The following CFAP20DC variants were observed in gnomAD, a reference collection of about 807,000 sequenced individuals.
CFAP20DC encodes protein CFAP20DC.
A neutral mutation model predicts 101.7 loss-of-function variants in CFAP20DC; 84 were observed. That is an observed-to-expected ratio of 0.83 (90% CI 0.69 to 0.99). The LOEUF is 0.99. Among genes scored for constraint, CFAP20DC ranks in the 50% least tolerant of loss-of-function variants. The pLI, the probability that CFAP20DC is intolerant of heterozygous loss-of-function variation, is 0.00. For synonymous variants in CFAP20DC, 359 were observed against 351.2 expected (o/e 1.02, Z -0.25); for missense variants, 1,007 against 970.3 (o/e 1.04, Z -0.50).
chr3:58,922,681 C>T (rs1224095531), intron 5 of CFAP20DC, among the ~76,000 whole-genome samples: 2 of 152,128 alleles, frequency 1.3e-5, no homozygotes, highest in African/African-American at 2.4e-5. Context: ...GATGCCAGTG[C>T]CATACTTCTT....
At chr3:58,862,734 A>C (rs1296218401) in intron 12 of CFAP20DC, 1 of 964,956 alleles carries the variant, frequency 1.0e-6, no homozygotes, top group Non-Finnish European at 1.2e-6. Flanking sequence ...TATAATTTCT[A>C]TATAGAAAAG....
intron 1 of CFAP20DC, among the ~76,000 whole-genome samples, chr3:59,049,048 C>G (rs910048213): frequency 6.6e-6 from 1 of 152,314 alleles, no homozygotes; most frequent in East Asian, 1.9e-4. Flanking sequence ...TTCACCAGAT[C>G]TGGGATGCGG....
chr3:58,828,092 T>C (rs1173334487), intron 14 of CFAP20DC, among the ~76,000 whole-genome samples: 1 of 151,930 alleles, frequency 6.6e-6, no homozygotes, highest in Non-Finnish European at 1.5e-5. Flanking sequence ...TGGGGTGCAG[T>C]GAGAGATGAG....
chr3:58,861,986 A>C lies in CFAP20DC; in HGVS notation c.1593+1572T>G. On this transcript the variant is annotated intron_variant, in intron 12 of 16. Coordinates refer to ENST00000482387, the MANE Select transcript of CFAP20DC (RefSeq NM_001394063.1). This position sits in a 1 kb window ranked among gnomAD's most constrained non-coding sequence, Gnocchi z 4.0. ...GCAAAAGAAAGCATTAAGTGATATC[A>C]AATTAAAATATTCAGAGCTAGTATT... 1 of 985,332 alleles carries C rather than the reference A, an allele frequency of 1.0e-6. No individual in the cohort carries two copies. 61.0% of individuals were successfully genotyped at this position (985,332 alleles called of 1,614,324 possible).
chr3:58,951,834 C>A (rs929898932), intron 4 of CFAP20DC, among the ~76,000 whole-genome samples: 4 of 152,016 alleles, frequency 2.6e-5, no homozygotes, highest in Non-Finnish European at 5.9e-5. Context: ...GTGCAGCACA[C>A]CAACATGGCA....
rs556518165 is a variant in CFAP20DC at position 58,816,403 on chromosome 3, C to T, written c.2176-9947G>A. 1.1e-4 allele frequency among the ~76,000 whole-genome samples: 17 copies of T among 152,290 alleles called. No individual in the cohort carries two copies. In the South Asian group the frequency reaches 1.9e-3, roughly 17 times the overall value. On this transcript the variant is annotated intron_variant, in intron 14 of 16. Coordinates refer to ENST00000482387, the MANE Select transcript of CFAP20DC (RefSeq NM_001394063.1). ...ACCGGGTTTATCTCACTAGGGAGTG[C>T]CAGACAGTGGGCACAGGCCAGTGGG...
intron 14 of CFAP20DC, among the ~76,000 whole-genome samples, chr3:58,811,588 A>C (rs917282899): frequency 1.3e-5 from 2 of 152,156 alleles, no homozygotes; most frequent in African/African-American, 4.8e-5. Flanking sequence ...GTTAGACCTA[A>C]AACCATAAAA....
At chr3:58,966,658 G>C (rs1266587435) in intron 4 of CFAP20DC, among the ~76,000 whole-genome samples, 2 of 151,170 alleles carry the variant, frequency 1.3e-5, no homozygotes, top group African/African-American at 4.9e-5. Flanking sequence ...CGAGTAGCTG[G>C]GATCACAGGT....
At chr3:58,752,472 G>C (rs1026183218) in intron 16 of CFAP20DC, among the ~76,000 whole-genome samples, 1 of 152,084 alleles carries the variant, frequency 6.6e-6, no homozygotes, top group Non-Finnish European at 1.5e-5. Context: ...CTTGGCAATG[G>C]TGACTTTAAG....
intron 4 of CFAP20DC, among the ~76,000 whole-genome samples, chr3:58,970,088 G>A (rs1446607623): frequency 6.6e-6 from 1 of 151,992 alleles, no homozygotes; most frequent in Non-Finnish European, 1.5e-5. Context: ...TTGGGTAAAT[G>A]GAATTTTAGG....
intron 16 of CFAP20DC, among the ~76,000 whole-genome samples, chr3:58,752,494 G>C (rs902208613): frequency 6.6e-6 from 1 of 152,126 alleles, no homozygotes; most frequent in Non-Finnish European, 1.5e-5. Context: ...CATCCTTCCA[G>C]CTGTTTCTTG....
chr3:58,755,423 G>A (rs774441176), intron 15 of CFAP20DC, among the ~76,000 whole-genome samples: 42 of 152,206 alleles, frequency 2.8e-4, no homozygotes, highest in Non-Finnish European at 3.1e-4. Flanking sequence ...AATTACCAGC[G>A]CAGTGACCTC....
chr3:58,961,531 G>A (rs1435890839), intron 4 of CFAP20DC, among the ~76,000 whole-genome samples: 1 of 151,996 alleles, frequency 6.6e-6, no homozygotes, highest in East Asian at 1.9e-4. Context: ...TCCAGCCTGG[G>A]CAACAAGAAC....
intron 14 of CFAP20DC, among the ~76,000 whole-genome samples, chr3:58,819,265 A>G (rs2075430032): frequency 6.6e-6 from 1 of 152,156 alleles, no homozygotes; most frequent in African/African-American, 2.4e-5. Flanking sequence ...TTCAAAAGCT[A>G]GCAGAAGGCA....
chr3:58,801,635 A>C (rs947028214), intron 15 of CFAP20DC, among the ~76,000 whole-genome samples: 5 of 151,996 alleles, frequency 3.3e-5, no homozygotes, highest in Non-Finnish European at 7.4e-5. Flanking sequence ...AAAAAAAAAA[A>C]CAAAACGATA....
chr3:58,856,305 C>T (rs1357362264), intron 12 of CFAP20DC, among the ~76,000 whole-genome samples: 1 of 133,734 alleles, frequency 7.5e-6, no homozygotes, highest in Non-Finnish European at 1.6e-5. Context: ...CACACACACA[C>T]ACACACACAT....
chr3:59,014,067 C>G lies in CFAP20DC; in HGVS notation c.278+25490G>C, dbSNP rs1366556490. 6.6e-6 allele frequency among the ~76,000 whole-genome samples: 1 copy of G among 152,114 alleles called. No individual in the cohort carries two copies. The highest frequency in any genetic ancestry group is 1.5e-5 in the Non-Finnish European group (1 of 68,028). The stretch of plus-strand genomic sequence containing the variant: ...CTGAAATTGCATAAAACAGATAGGA[C>G]AGCTAATTTAAACAGTTGTTTGCAC... On this transcript the variant is annotated intron_variant, in intron 4 of 16. Coordinates refer to ENST00000482387, the MANE Select transcript of CFAP20DC (RefSeq NM_001394063.1). This position sits in a 1 kb window ranked among gnomAD's most constrained non-coding sequence, Gnocchi z 4.9.
intron 15 of CFAP20DC, among the ~76,000 whole-genome samples, chr3:58,802,857 C>A (rs142435484): frequency 6.6e-6 from 1 of 151,916 alleles, no homozygotes; most frequent in East Asian, 1.9e-4. Flanking sequence ...TTTAATCCTG[C>A]ACACAAAAAA....
intron 5 of CFAP20DC, among the ~76,000 whole-genome samples, chr3:58,925,258 AGTTTTTAAAT>A (rs1259701881): frequency 6.6e-6 from 1 of 152,104 alleles, no homozygotes; most frequent in Non-Finnish European, 1.5e-5. Flanking sequence ...TCCTAAAAAG[AGTTTTTAAAT>A]GTTGCTCCAA....
Sources: allele counts gnomAD v4.1 joint callset (sites outside exome capture counted in the v4.1 genomes callset), GRCh38; gene constraint gnomAD v4.1.1; non-coding constraint Gnocchi (gnomAD v3.1); transcripts MANE v1.5; gene names NCBI Gene and HGNC (gene_info 2026-07-23, HGNC 2026-07-21).